CDH19: variants seen among roughly 807,000 people sequenced by gnomAD.
CDH19 encodes cadherin-19.
CDH19 carries 67 observed loss-of-function variants against 64.2 expected under a neutral mutation model. The observed-to-expected ratio is 1.04, with a 90% CI of 0.86 to 1.28. The LOEUF (loss-of-function observed/expected upper bound fraction) is 1.28. Ranked by LOEUF, CDH19 falls within the 50% of genes most tolerant of loss-of-function variation. The probability of loss-of-function intolerance (pLI) is 0.00; values close to 1 mark genes in which losing one functional copy is unlikely to be tolerated. For synonymous variants in CDH19, 346 were observed against 319.3 expected (o/e 1.08, Z -0.89); for missense variants, 1,030 against 929.0 (o/e 1.11, Z -1.41).
intron 1 of CDH19, among the ~76,000 whole-genome samples, chr18:66,589,355 C>A (rs578026615): frequency 1.3e-5 from 2 of 151,666 alleles, no homozygotes; most frequent in African/African-American, 4.8e-5. Context: ...CCAAGAATTT[C>A]TAACAGTATT....
chr18:66,587,394 A>G (rs139081797), intron 1 of CDH19, among the ~76,000 whole-genome samples: 192 of 152,230 alleles, frequency 1.3e-3, no homozygotes, highest in African/African-American at 4.3e-3. Context: ...CTCTAAGAAA[A>G]GCTTAGGTTC....
At chr18:66,511,120 T>A (rs1429520167) in intron 10 of CDH19, among the ~76,000 whole-genome samples, 1 of 151,786 alleles carries the variant, frequency 6.6e-6, no homozygotes, top group African/African-American at 2.4e-5. Context: ...GAATAAGAAC[T>A]ATATTAACCC....
intron 7 of CDH19, among the ~76,000 whole-genome samples, chr18:66,535,632 T>C (rs984409470): frequency 1.4e-5 from 2 of 146,826 alleles, no homozygotes; most frequent in African/African-American, 2.5e-5. Flanking sequence ...TATATATATA[T>C]AAACATATAT....
chr18:66,573,515 T>A (rs1038709404), intron 1 of CDH19, among the ~76,000 whole-genome samples: 2 of 151,702 alleles, frequency 1.3e-5, no homozygotes, highest in Non-Finnish European at 3.0e-5. Flanking sequence ...TTTATCTTTA[T>A]GTTACGTATT....
chr18:66,572,031 C>T lies in CDH19; in HGVS notation c.174G>A (p.Thr58=), dbSNP rs1988119273. Residue 58 remains threonine (T), a synonymous_variant, in exon 2 of 12, where the codon ACG becomes ACA. Coordinates refer to ENST00000262150, the MANE Select transcript of CDH19 (RefSeq NM_021153.4). The stretch of plus-strand genomic sequence containing the variant: ...GTACCTGGCCGATGTGATGACTAGT[C>T]GTATTCATTTCCTCTGGTACAAAAA... ...NQFFVPEEMN[T]TSHHIGQLRS... The T allele has an allele frequency of 5.0e-6, 8 of 1,610,088 alleles. No individual in the cohort carries two copies. The highest frequency in any genetic ancestry group is 6.8e-6 in the Non-Finnish European group (8 of 1,177,488).
intron 3 of CDH19, among the ~76,000 whole-genome samples, chr18:66,559,532 A>G (rs900876103): frequency 1.3e-5 from 2 of 151,798 alleles, no homozygotes; most frequent in Middle Eastern, 3.2e-3. Context: ...GGAAAAGAAT[A>G]AATAAAACTA....
intron 5 of CDH19, among the ~76,000 whole-genome samples, chr18:66,547,962 C>T (rs1396327520): frequency 2.1e-5 from 3 of 142,666 alleles, no homozygotes; most frequent in Non-Finnish European, 3.0e-5. Context: ...CCACCGCGCC[C>T]GGCCTAGGTT....
chr18:66,591,274 T>C (rs141662313), intron 1 of CDH19, among the ~76,000 whole-genome samples: 51 of 152,088 alleles, frequency 3.4e-4, no homozygotes, highest in African/African-American at 1.2e-3. Context: ...TAAATACTTA[T>C]AATGTCTGAC....
intron 3 of CDH19, among the ~76,000 whole-genome samples, chr18:66,566,280 C>CTTTT (rs34978720): frequency 8.3e-6 from 1 of 120,790 alleles, no homozygotes; most frequent in East Asian, 2.5e-4. Context: ...ATGACCCTTT[C>CTTTT]TTTTTTTTTT....
intron 1 of CDH19, among the ~76,000 whole-genome samples, chr18:66,576,803 C>T (rs892870030): frequency 3.3e-5 from 5 of 151,484 alleles, no homozygotes; most frequent in African/African-American, 7.3e-5. Flanking sequence ...GGCATAAATA[C>T]ACATATAGAA....
intron 1 of CDH19, among the ~76,000 whole-genome samples, chr18:66,585,488 T>C (rs910623865): frequency 6.6e-6 from 1 of 152,076 alleles, no homozygotes; most frequent in Non-Finnish European, 1.5e-5. Context: ...AGTTGTCTCA[T>C]GTGAAAATTG....
chr18:66,564,509 T>C (rs1468676660), intron 3 of CDH19, among the ~76,000 whole-genome samples: 1 of 151,890 alleles, frequency 6.6e-6, no homozygotes, highest in Non-Finnish European at 1.5e-5. Context: ...AGGATATTTA[T>C]TTGGAAAAGC....
chr18:66,550,094 C>T (rs1309964161), intron 5 of CDH19, among the ~76,000 whole-genome samples: 3 of 152,072 alleles, frequency 2.0e-5, no homozygotes, highest in Admixed American at 6.6e-5. Context: ...TTTTTATTGG[C>T]TCTTTTCTTT....
At chr18:66,563,250 T>C (rs746659620) in intron 3 of CDH19, among the ~76,000 whole-genome samples, 9 of 152,226 alleles carry the variant, frequency 5.9e-5, no homozygotes, top group Middle Eastern at 6.8e-3. Context: ...TATGCTATAG[T>C]GTTTGAATGC....
At chr18:66,524,684 G>C (rs1986152803) in intron 9 of CDH19, among the ~76,000 whole-genome samples, 1 of 151,604 alleles carries the variant, frequency 6.6e-6, no homozygotes, top group South Asian at 2.1e-4. Flanking sequence ...TTTGTTTTGG[G>C]TTTCTTAATA....
At chr18:66,533,012 A>C (rs1986515731) in intron 8 of CDH19, among the ~76,000 whole-genome samples, 1 of 152,036 alleles carries the variant, frequency 6.6e-6, no homozygotes, top group African/African-American at 2.4e-5. Context: ...GCAATCTCTT[A>C]GATTTCCTAT....
intron 3 of CDH19, 89 bp from the exon 4 acceptor site, chr18:66,554,613 G>C (rs1987453911): frequency 9.7e-7 from 1 of 1,029,192 alleles, no homozygotes. Flanking sequence ...TACCAAGCAA[G>C]ATGTTGTTAC....
At chr18:66,558,895 T>C (rs1207710405) in intron 3 of CDH19, among the ~76,000 whole-genome samples, 1 of 152,096 alleles carries the variant, frequency 6.6e-6, no homozygotes, top group Non-Finnish European at 1.5e-5. Flanking sequence ...AACTGTGTCA[T>C]GTTTGAGTCA....
At chr18:66,529,051 C>A (rs1410366218) in intron 9 of CDH19, among the ~76,000 whole-genome samples, 2 of 151,836 alleles carry the variant, frequency 1.3e-5, no homozygotes, top group Admixed American at 6.6e-5. Context: ...CTTAGAAGTA[C>A]ACAAATAACA....
Sources: gnomAD v4.1 joint callset for allele counts (sites outside exome capture counted in the v4.1 genomes callset) on GRCh38, gnomAD v4.1.1 for gene constraint, MANE v1.5 for transcripts, NCBI Gene and HGNC (gene_info 2026-07-23, HGNC 2026-07-21) for gene names.